The following AURKA variants were observed in gnomAD, a reference collection of about 807,000 sequenced individuals.
AURKA encodes aurora 2.
In AURKA, 12 loss-of-function variants were observed where a neutral mutation model predicts 40.9. That is an observed-to-expected ratio of 0.29 (90% CI 0.19 to 0.48). The LOEUF (loss-of-function observed/expected upper bound fraction) is 0.48, where lower values mean the gene tolerates loss of function less well. Among genes scored for constraint, AURKA ranks in the 20% least tolerant of loss-of-function variants. The pLI is 0.99. For missense variants in AURKA, 322 were observed against 462.1 expected (o/e 0.70, Z 2.78); for synonymous variants, 170 against 164.3 (o/e 1.03, Z -0.26).
rs2146118896 is a variant in AURKA at position 56,370,192 on chromosome 20, C to G, written c.1178G>C (p.Cys393Ser). The part of the protein sequence containing the change: ...ITANSSKPSN[C>S]QNKESASKQS ...TTTGCTAGCTGATTCTTTGTTTTGG[C>G]AATTTGATGGTTTTGATGAATTTGC... Residue 393 changes from cysteine (C) to serine (S), a missense_variant, in exon 9 of 9, where the codon TGC becomes TCC. Cys to Ser is a moderately radical substitution (Grantham distance 112). Coordinates refer to ENST00000395915, the MANE Select transcript of AURKA (RefSeq NM_198437.3). 6.2e-7 allele frequency: 1 copy of G among 1,613,220 alleles called. No homozygotes were observed. Among genetic ancestry groups the G allele is most frequent in the Non-Finnish European group, 8.5e-7 (1 of 1,180,010 alleles).
chr20:56,375,945 A>C (rs566215613), intron 6 of AURKA, among the ~76,000 whole-genome samples: 2 of 152,248 alleles, frequency 1.3e-5, no homozygotes, highest in Non-Finnish European at 2.9e-5. Flanking sequence ...AAACAGGTAC[A>C]TGTGTATTCA....
At chr20:56,390,274 G>A (rs1986904524) in intron 1 of AURKA, among the ~76,000 whole-genome samples, 2 of 151,226 alleles carry the variant, frequency 1.3e-5, no homozygotes, top group African/African-American at 4.9e-5. Context: ...TTTTCCCCCA[G>A]GTGTGTAGTT....
chr20:56,381,708 GA>G, intron 5 of AURKA, 137 bp from the exon 6 acceptor site: 1 of 1,080,840 alleles, frequency 9.3e-7, no homozygotes, highest in Non-Finnish European at 1.4e-6. Context: ...TTTAGAATCT[GA>G]AACTATAAAC....
chr20:56,378,959 G>A (rs1356186731), intron 6 of AURKA, among the ~76,000 whole-genome samples: 1 of 152,088 alleles, frequency 6.6e-6, no homozygotes, highest in Non-Finnish European at 1.5e-5. Context: ...CATAATGGTG[G>A]ATACATGGCA....
chr20:56,391,209 GTGCA>G (rs1987067612), intron 1 of AURKA, among the ~76,000 whole-genome samples: 2 of 152,226 alleles, frequency 1.3e-5, no homozygotes, highest in African/African-American at 2.4e-5. Context: ...CCTCAGACCT[GTGCA>G]TGTCTGCAGA....
chr20:56,386,574 A>C (rs2146206071), intron 2 of AURKA, 41 bp from the exon 3 acceptor site: 1 of 1,609,622 alleles, frequency 6.2e-7, no homozygotes, highest in Non-Finnish European at 8.5e-7. Context: ...CATTCATGAA[A>C]GCAAAAGATG....
At chr20:56,386,214 C>A in intron 3 of AURKA, 43 bp downstream of exon 3, 1 of 1,612,740 alleles carries the variant, frequency 6.2e-7, no homozygotes, top group Non-Finnish European at 8.5e-7. Context: ...TTAGCAACGA[C>A]GACAAAGAAG....
At chr20:56,375,585 A>C (rs1984828258) in intron 6 of AURKA, among the ~76,000 whole-genome samples, 1 of 152,102 alleles carries the variant, frequency 6.6e-6, no homozygotes. Flanking sequence ...AAGGTTTACT[A>C]AACAGATGAG....
chr20:56,374,617 T>C (rs1034977034), intron 6 of AURKA, among the ~76,000 whole-genome samples: 18 of 152,034 alleles, frequency 1.2e-4, no homozygotes, highest in Non-Finnish European at 2.4e-4. Flanking sequence ...TTTTTTTTAA[T>C]AGAGATGGGG....
intron 3 of AURKA, among the ~76,000 whole-genome samples, chr20:56,384,566 T>C (rs1986128129): frequency 6.6e-6 from 1 of 152,156 alleles, no homozygotes; most frequent in African/African-American, 2.4e-5. Flanking sequence ...AGACAGGCCC[T>C]TCTCTGATAA....
intron 7 of AURKA, among the ~76,000 whole-genome samples, chr20:56,372,522 G>T: frequency 8.8e-6 from 1 of 113,750 alleles, no homozygotes; most frequent in African/African-American, 3.5e-5. Context: ...TCCCACTAAT[G>T]ACAACCAGTT....
In AURKA at chr20:56,384,185, T is replaced by C. The variant is rs936756793; in HGVS notation, c.374+85A>G. 1.3e-4 allele frequency: 142 copies of C among 1,060,942 alleles called. 2 individuals carry two copies. In the South Asian group the frequency reaches 1.5e-3, roughly 11 times the overall value. The allele number at this position is 1,060,942 out of a possible 1,614,324, so 65.7% of individuals were successfully genotyped here. Reference sequence around the variant, plus strand: ...AATGCAAATAAAGGCCTCATTTTTTTCCCCAGAGTTCCCACAACGAAATTT... The same window carrying C: ...AATGCAAATAAAGGCCTCATTTTTTCCCCCAGAGTTCCCACAACGAAATTT... On this transcript the variant is annotated intron_variant, in intron 4 of 8. Transcript: ENST00000395915.
chr20:56,386,339 C>A lies in AURKA; in HGVS notation c.237G>T (p.Leu79Phe). ...KPVQNQKQKQ[L>F]QATSVPHPVS... ...CAGGATGAGGTACACTGGTTGCCTG[C>A]AATTGCTTCTGCTTCTGATTCTGAA... is the stretch of plus-strand genomic sequence containing the variant. The change falls in exon 3 of 9, where the codon TTG becomes TTT. Residue 79 changes from leucine (L) to phenylalanine (F), a missense_variant. Transcript: ENST00000395915. The A allele has an allele frequency of 6.2e-7, 1 of 1,614,218 alleles. No individual in the cohort carries two copies.
intron 2 of AURKA, among the ~76,000 whole-genome samples, chr20:56,387,377 C>T (rs999471417): frequency 6.6e-6 from 1 of 152,206 alleles, no homozygotes; most frequent in Non-Finnish European, 1.5e-5. Context: ...CGGTCTTGAA[C>T]TCCTGACCTT....
At position 56,386,035 on chromosome 20, in the gene AURKA, G is replaced by C. The variant is rs80049558; in HGVS notation, c.319+222C>G. On this transcript the variant is annotated intron_variant, in intron 3 of 8. Transcript: ENST00000395915. ...CCAATTTATGCTGTGTCCTCCCTGG[G>C]TGCCCAACTCTTCCAAGAGGGTGAG... Among the ~76,000 whole-genome samples the C allele has an allele frequency of 4.0e-3, 614 of 152,248 alleles. 6 individuals carry two copies. The highest frequency in any genetic ancestry group is 0.014 in the African/African-American group (590 of 41,526).
Position 56,369,505 on chromosome 20 carries a change from A to G in AURKA, c.*653T>C, listed in dbSNP as rs746235404. 2.9e-5 allele frequency: 7 copies of G among 241,902 alleles called. No homozygotes were observed. Among genetic ancestry groups the G allele is most frequent in the Non-Finnish European group, 4.9e-5 (6 of 122,456 alleles). 15.0% of individuals were successfully genotyped at this position (241,902 alleles called of 1,614,324 possible). ...GACACATGGCCTCTTCTGTATCCCA[A>G]GCAAATCCCTAAATGGAGGTAGAGC... On this transcript the variant is annotated 3_prime_UTR_variant, in exon 9 of 9. Coordinates refer to ENST00000395915, the MANE Select transcript of AURKA (RefSeq NM_198437.3).
rs368981291 is a variant in AURKA at position 56,388,737 on chromosome 20, A to AG, written c.-5-536dup. 1.6e-3 allele frequency: 260 copies of AG among 165,220 alleles called. 1 individual carries two copies. The highest frequency in any genetic ancestry group is 6.0e-3 in the African/African-American group (250 of 41,792). 10.2% of individuals were successfully genotyped at this position (165,220 alleles called of 1,614,324 possible). A position where few individuals can be genotyped will look rare whatever the true frequency, so the allele number is the denominator to read the frequency against. On this transcript the variant is annotated intron_variant, in intron 1 of 8. Coordinates refer to ENST00000395915, the MANE Select transcript of AURKA (RefSeq NM_198437.3). ...TGAGGCAGGAGAATCACTTAAACCC[A>AG]GGAAGCAGAGGTTGCAGTGAGCTGA...
At chr20:56,388,357 A>G (rs569936322) in intron 1 of AURKA, 155 bp from the exon 2 acceptor site, 2 of 718,898 alleles carry the variant, frequency 2.8e-6, no homozygotes. Context: ...AGGGAGGGAC[A>G]GGCATGTGCT....
chr20:56,376,304 C>T (rs1984918060), intron 6 of AURKA, among the ~76,000 whole-genome samples: 1 of 151,688 alleles, frequency 6.6e-6, no homozygotes, highest in Non-Finnish European at 1.5e-5. Flanking sequence ...GAAAGTTGGC[C>T]CAAAAGATGA....
Sources: allele counts gnomAD v4.1 joint callset (sites outside exome capture counted in the v4.1 genomes callset), GRCh38; gene constraint gnomAD v4.1.1; transcripts MANE v1.5; gene names NCBI Gene and HGNC (gene_info 2026-07-23, HGNC 2026-07-21).